USP45: variants seen among roughly 807,000 people sequenced by gnomAD.
The protein encoded by USP45 is ubiquitin carboxyl-terminal hydrolase 45.
Under a neutral mutation model 95.8 loss-of-function variants are expected in USP45, and 89 were observed. That is an observed-to-expected ratio of 0.93 (90% CI 0.78 to 1.11). USP45 has a LOEUF of 1.11. Ranked by LOEUF, USP45 falls within the 50% of genes least tolerant of loss-of-function variation. The pLI, the probability that USP45 is intolerant of heterozygous loss-of-function variation, is 0.00. For missense variants in USP45, 898 were observed against 942.5 expected, an observed-to-expected ratio of 0.95 and a Z score of 0.62; for synonymous variants, 281 against 316.2, an observed-to-expected ratio of 0.89 and a Z score of 1.18.
intron 17 of USP45, among the ~76,000 whole-genome samples, chr6:99,436,563 AAC>A (rs1780527210): frequency 6.6e-6 from 1 of 152,054 alleles, no homozygotes; most frequent in Admixed American, 6.6e-5. Flanking sequence ...TTCAAAAACA[AAC>A]AAAAAAAGCA....
chr6:99,501,754 A>AAC, intron 5 of USP45: 1 of 334,910 alleles, frequency 3.0e-6, no homozygotes, highest in Non-Finnish European at 4.9e-6. Flanking sequence ...TGTATTATTT[A>AAC]TTTGTTAGGT....
intron 5 of USP45, among the ~76,000 whole-genome samples, chr6:99,498,166 T>G (rs1796696485): frequency 1.3e-5 from 2 of 152,182 alleles, no homozygotes; most frequent in Admixed American, 1.3e-4. Context: ...CATTCACTAC[T>G]GCATCTCCAA....
intron 4 of USP45, among the ~76,000 whole-genome samples, chr6:99,507,109 A>G (rs976486917): frequency 6.6e-5 from 10 of 152,194 alleles, no homozygotes; most frequent in African/African-American, 2.4e-4. Context: ...CAGGAGGCTG[A>G]GGCAGGAGAA....
rs1780203098 is a variant in USP45, at chr6:99,434,769, T to A, written c.*947A>T. The A allele has an allele frequency of 6.6e-6, 1 of 152,200 alleles. No homozygotes were observed. The highest frequency in any genetic ancestry group is 1.9e-4 in the East Asian group (1 of 5,200). The allele number at this position is 152,200 out of a possible 1,614,324, so 9.4% of individuals were successfully genotyped here. On this transcript the variant is annotated 3_prime_UTR_variant, in exon 18 of 18. Transcript: ENST00000500704. ...AATATAATTCTCTATCATTTACAAA[T>A]ATAATTTGGTAATTTATATTTCAAA...
chr6:99,493,987 G>C (rs1365596994), intron 5 of USP45, among the ~76,000 whole-genome samples: 2 of 152,138 alleles, frequency 1.3e-5, no homozygotes, highest in African/African-American at 4.8e-5. Flanking sequence ...ATGTTTTTAA[G>C]TATGATATAA....
At chr6:99,502,065 A>C (rs1797496552) in intron 5 of USP45, 1 of 1,259,836 alleles carries the variant, frequency 7.9e-7, no homozygotes, top group East Asian at 5.7e-5. Context: ...GACTGAGTTA[A>C]ATCAATATGG....
intron 9 of USP45, among the ~76,000 whole-genome samples, chr6:99,473,523 A>T (rs941529961): frequency 2.6e-5 from 4 of 151,774 alleles, no homozygotes; most frequent in African/African-American, 9.7e-5. Context: ...ACTGCAGCCT[A>T]AGCAACAGAG....
Position 99,464,681 on chromosome 6 carries a change from G to A in USP45, c.1231C>T (p.Arg411Ter), listed in dbSNP as rs756429285. ...TCTATAGTAACATTGCCACTGTATC[G>A]ATCATGATCTGTCTCCCGTAAACTT... ...YRSLRETDHD[R>*]YSGNVTIENI... is the part of the protein sequence containing the mutation. Residue 411 changes from arginine (R) to a stop codon, truncating the protein, a stop_gained, in exon 13 of 18, where the codon CGA becomes TGA. Coordinates refer to ENST00000500704, the MANE Select transcript of USP45 (RefSeq NM_001346022.3). LOFTEE classifies it high-confidence loss of function. 39 of 1,612,688 alleles carry A rather than the reference G, an allele frequency of 2.4e-5. No homozygotes were observed. Among genetic ancestry groups the A allele is most frequent in the African/African-American group, 8.0e-5 (6 of 74,872 alleles).
rs1425844076 is a variant in USP45 at position 99,445,957 on chromosome 6, C to G, written c.1815G>C (p.Gln605His). 1.9e-6 allele frequency: 3 copies of G among 1,614,054 alleles called. No homozygotes were observed. Among genetic ancestry groups the G allele is most frequent in the Non-Finnish European group, 2.5e-6 (3 of 1,180,014 alleles). The part of the protein sequence containing the change: ...LRSYSPQNAF[Q>H]TLSQSYITTS... ...TAGTTATATAGCTCTGAGAAAGGGT[C>G]TGAAAAGCATTTTGGGGACTATAAG... is the stretch of plus-strand genomic sequence containing the variant. Residue 605 changes from glutamine (Q) to histidine (H), a missense_variant, in exon 14 of 18, where the codon CAG (glutamine) becomes CAC (histidine). By Grantham distance (24) the Gln-to-His change is conservative. Transcript: ENST00000500704.
chr6:99,455,377 G>C (rs1176982232), intron 13 of USP45, among the ~76,000 whole-genome samples: 2 of 152,166 alleles, frequency 1.3e-5, no homozygotes, highest in South Asian at 2.1e-4. Flanking sequence ...CTTGAACCCA[G>C]GAGGAAGAGG....
rs1305700192 is a variant in USP45, at chr6:99,472,435, C to T, written c.933+3708G>A. ...TTCACCATGTTGGCCAAGCTGGTCT[C>T]GAACTCCTGACCTCAGGCGATCTGC... On this transcript the variant is annotated intron_variant, in intron 9 of 17. Coordinates refer to ENST00000500704, the MANE Select transcript of USP45 (RefSeq NM_001346022.3). Among the ~76,000 whole-genome samples, 4 of 151,956 alleles carry T rather than the reference C, an allele frequency of 2.6e-5. No individual in the cohort carries two copies. In the East Asian group the frequency reaches 5.8e-4, roughly 22 times the overall value.
At chr6:99,474,997 C>G (rs1790445116) in intron 9 of USP45, among the ~76,000 whole-genome samples, 1 of 152,174 alleles carries the variant, frequency 6.6e-6, no homozygotes, top group Non-Finnish European at 1.5e-5. Context: ...GAAATGCTCT[C>G]TCATCTAAGA....
chr6:99,481,891 A>G (rs1792525825), intron 8 of USP45, among the ~76,000 whole-genome samples: 1 of 152,150 alleles, frequency 6.6e-6, no homozygotes, highest in Non-Finnish European at 1.5e-5. Flanking sequence ...TCTGTGAGAC[A>G]CTCATGCCTC....
intron 13 of USP45, among the ~76,000 whole-genome samples, chr6:99,447,727 G>C (rs1782850963): frequency 6.6e-6 from 1 of 152,184 alleles, no homozygotes; most frequent in Non-Finnish European, 1.5e-5. Flanking sequence ...TTTGAGATCT[G>C]AGAACGGACA....
Position 99,512,277 on chromosome 6 carries a change from A to T in USP45, c.-10-2047T>A, listed in dbSNP as rs34955587. Among the ~76,000 whole-genome samples the T allele has an allele frequency of 8.0e-3, 1,226 of 152,308 alleles. 6 individuals carry two copies. Among genetic ancestry groups the T allele is most frequent in the South Asian group, 0.013 (62 of 4,826 alleles). On this transcript the variant is annotated intron_variant, in intron 1 of 17. Transcript: ENST00000500704. Reference sequence around the variant, plus strand: ...TTAAAATGAAAGTTCTGATGCAACAAGTCTGGCACAAGACCTGAGATTCTA... The same window carrying T: ...TTAAAATGAAAGTTCTGATGCAACATGTCTGGCACAAGACCTGAGATTCTA...
At position 99,494,327 on chromosome 6, in the gene USP45, G is replaced by A. The variant is rs184282987; in HGVS notation, c.479-5507C>T. Among the ~76,000 whole-genome samples the A allele has an allele frequency of 2.9e-3, 440 of 152,252 alleles. 3 individuals carry two copies. The highest frequency in any genetic ancestry group is 0.01 in the African/African-American group (426 of 41,560). ...GAGAGCACACTTTCGGCACTTTAAAGTTTTTAAAGCTCTTGTACATCTCTG... is the reference window on the plus strand; with the variant it reads ...GAGAGCACACTTTCGGCACTTTAAAATTTTTAAAGCTCTTGTACATCTCTG... On this transcript the variant is annotated intron_variant, in intron 5 of 17. Coordinates refer to ENST00000500704, the MANE Select transcript of USP45 (RefSeq NM_001346022.3).
At position 99,443,626 on chromosome 6, in the gene USP45, T is replaced by C. The variant is rs761590308; in HGVS notation, c.2012A>G (p.Lys671Arg). The change falls in exon 15 of 18, where the codon AAG becomes AGG. Residue 671 changes from lysine (K) to arginine (R), a missense_variant. Physicochemically the swap from Lys to Arg is conservative, Grantham distance 26. Coordinates refer to ENST00000500704, the MANE Select transcript of USP45 (RefSeq NM_001346022.3). ...KVEGVYTNAR[K>R]QLLISAVPAV... ...TGGAACAGCAGAAATGAGCAATTGC[T>C]TCCTGGCATTAGTATAAACTCCTTC... 4.4e-6 allele frequency: 7 copies of C among 1,608,218 alleles called. No homozygotes were observed. In the East Asian group the frequency reaches 1.6e-4, roughly 36 times the overall value.
intron 13 of USP45, among the ~76,000 whole-genome samples, chr6:99,455,523 C>T (rs1234046892): frequency 6.6e-6 from 1 of 152,052 alleles, no homozygotes; most frequent in Non-Finnish European, 1.5e-5. Context: ...AATCCCACTA[C>T]TAGACATTTA....
Position 99,466,716 on chromosome 6 carries a change from T to C in USP45, c.1063A>G (p.Ile355Val), listed in dbSNP as rs780626939. The part of the protein sequence containing the change: ...VKMNFIDRIF[I>V]GELTSTVMCE... Reference sequence around the variant, plus strand: ...ATGACCGTGCTAGTTAATTCACCAATAAAGATCCGATCTATGAAGTTCATT... The same window carrying C: ...ATGACCGTGCTAGTTAATTCACCAACAAAGATCCGATCTATGAAGTTCATT... Residue 355 changes from isoleucine (I) to valine (V), a missense_variant, in exon 11 of 18, where the codon ATT (isoleucine) becomes GTT (valine). By Grantham distance (29) the Ile-to-Val change is conservative. Coordinates refer to ENST00000500704, the MANE Select transcript of USP45 (RefSeq NM_001346022.3). 5 of 1,613,478 alleles carry C rather than the reference T, an allele frequency of 3.1e-6. No individual in the cohort carries two copies. The highest frequency in any genetic ancestry group is 1.3e-5 in the African/African-American group (1 of 74,906).
Sources: allele counts gnomAD v4.1 joint callset (sites outside exome capture counted in the v4.1 genomes callset), GRCh38; gene constraint gnomAD v4.1.1; transcripts MANE v1.5; gene names NCBI Gene and HGNC (gene_info 2026-07-23, HGNC 2026-07-21).